GFOD2: variants seen among roughly 807,000 people sequenced by gnomAD.
The protein encoded by GFOD2 is glucose-fructose oxidoreductase domain-containing protein 2.
In GFOD2, 9 loss-of-function variants were observed where a neutral mutation model predicts 24.6. The observed-to-expected ratio is 0.37, with a 90% CI of 0.22 to 0.64. GFOD2 has a LOEUF of 0.64. GFOD2 is among the 30% of genes least tolerant of loss of function. The pLI is 0.65. For missense variants in GFOD2, 476 were observed against 532.5 expected, an observed-to-expected ratio of 0.89 and a Z score of 1.04; for synonymous variants, 211 against 224.8, an observed-to-expected ratio of 0.94 and a Z score of 0.55.
intron 1 of GFOD2, among the ~76,000 whole-genome samples, chr16:67,717,809 T>C (rs1567664136): frequency 3.9e-5 from 6 of 151,932 alleles, no homozygotes. Context: ...GATAGATAGA[T>C]AGATAGAGAA....
At chr16:67,688,008 T>C (rs1302835736) in intron 1 of GFOD2, among the ~76,000 whole-genome samples, 2 of 152,100 alleles carry the variant, frequency 1.3e-5, no homozygotes, top group African/African-American at 4.8e-5. Context: ...TGTATACAGA[T>C]ATTTACTATA....
chr16:67,694,806 C>T (rs1056759420), intron 1 of GFOD2, among the ~76,000 whole-genome samples: 2 of 152,150 alleles, frequency 1.3e-5, no homozygotes, highest in Non-Finnish European at 2.9e-5. Flanking sequence ...CTGCCTCTAA[C>T]TCCAGATCCC....
intron 1 of GFOD2, among the ~76,000 whole-genome samples, chr16:67,716,950 G>A (rs1248744528): frequency 6.6e-6 from 1 of 152,196 alleles, no homozygotes; most frequent in African/African-American, 2.4e-5. Context: ...AGGCTGGAGT[G>A]CAATGGCGCG....
At chr16:67,683,408 G>A (rs2053242601) in intron 2 of GFOD2, 2 of 1,228,812 alleles carry the variant, frequency 1.6e-6, no homozygotes, top group Non-Finnish European at 2.0e-6. Flanking sequence ...AGCCACAAGG[G>A]ATGGCAAGGA....
chr16:67,679,624 C>A (rs2053209317), intron 2 of GFOD2, among the ~76,000 whole-genome samples: 1 of 152,018 alleles, frequency 6.6e-6, no homozygotes, highest in African/African-American at 2.4e-5. Flanking sequence ...CGCAGTGGCT[C>A]AGGCCTGTAA....
chr16:67,683,697 A>C, intron 2 of GFOD2: 1 of 1,230,686 alleles, frequency 8.1e-7, no homozygotes, highest in Non-Finnish European at 1.0e-6. Flanking sequence ...CCACTGAGCC[A>C]GAGGTGACAG....
At chr16:67,699,146 T>C (rs1205042377) in intron 1 of GFOD2, among the ~76,000 whole-genome samples, 2 of 151,854 alleles carry the variant, frequency 1.3e-5, no homozygotes, top group African/African-American at 2.4e-5. Context: ...ATTGAGACCA[T>C]CCTGGCTGAC....
intron 2 of GFOD2, among the ~76,000 whole-genome samples, chr16:67,679,793 A>G (rs555102123): frequency 6.6e-6 from 1 of 151,120 alleles, no homozygotes; most frequent in South Asian, 2.2e-4. Context: ...AGGCTGAGGC[A>G]GGAGAATTGC....
chr16:67,685,425 G>C (rs146767789), intron 2 of GFOD2, 32 bp downstream of exon 2: 4 of 1,613,982 alleles, frequency 2.5e-6, no homozygotes, highest in Non-Finnish European at 3.4e-6. Flanking sequence ...GGAGAGACAT[G>C]ATCTGCCCCT....
intron 2 of GFOD2, 65 bp downstream of exon 2, chr16:67,685,392 G>A: frequency 6.2e-7 from 1 of 1,606,254 alleles, no homozygotes; most frequent in Non-Finnish European, 8.5e-7. Flanking sequence ...GGAGAGGAGT[G>A]ACCCTCAGAG....
intron 1 of GFOD2, among the ~76,000 whole-genome samples, chr16:67,700,533 G>A (rs1424254174): frequency 1.3e-5 from 2 of 151,962 alleles, no homozygotes; most frequent in Non-Finnish European, 2.9e-5. Flanking sequence ...CCAACATGGT[G>A]AAACCCTGCC....
intron 1 of GFOD2, among the ~76,000 whole-genome samples, chr16:67,706,378 T>A (rs2053439486): frequency 6.6e-6 from 1 of 152,238 alleles, no homozygotes. Flanking sequence ...TACAGCCTTG[T>A]AATACTATCT....
In GFOD2 at chr16:67,705,473, GC is replaced by G. The variant is rs2053432609; in HGVS notation, c.-88+13689del. The stretch of plus-strand genomic sequence containing the variant: ...TCCACCCATCTCAGCCCCGCAAAGT[GC>G]TGAGAACACAGGCGTGAGCCACTGT... On this transcript the variant is annotated intron_variant, in intron 1 of 2. Transcript: ENST00000268797. Among the ~76,000 whole-genome samples the G allele has an allele frequency of 2.6e-5, 4 of 152,278 alleles. No homozygotes were observed. The South Asian group carries it at 8.3e-4, about 32-fold the overall frequency.
At chr16:67,687,323 G>C (rs2053274605) in intron 1 of GFOD2, among the ~76,000 whole-genome samples, 1 of 151,770 alleles carries the variant, frequency 6.6e-6, no homozygotes, top group Non-Finnish European at 1.5e-5. Flanking sequence ...CATCAAACTG[G>C]CTAAAAGAAA....
At chr16:67,682,546 G>A (rs538096595) in intron 2 of GFOD2, 523 of 985,324 alleles carry the variant, frequency 5.3e-4, no homozygotes, top group Non-Finnish European at 5.4e-4. Flanking sequence ...AAATTCATGG[G>A]AAAGCTTTAA....
At chr16:67,681,828 G>T (rs1028406167) in intron 2 of GFOD2, 1 of 985,194 alleles carries the variant, frequency 1.0e-6, no homozygotes, top group African/African-American at 1.7e-5. Flanking sequence ...AGCCATGAAA[G>T]ACATGTCTAC....
In GFOD2 at chr16:67,685,541, C is replaced by G. The variant is rs777630554; in HGVS notation, c.175G>C (p.Asp59His). 1 of 1,614,126 alleles carries G rather than the reference C, an allele frequency of 6.2e-7. No individual in the cohort carries two copies. Among genetic ancestry groups the G allele is most frequent in the Non-Finnish European group, 8.5e-7 (1 of 1,179,992 alleles). ...NIAFYTSRTD[D>H]ILLHQDVDLV... Reference sequence around the variant, plus strand: ...TCCACATCTTGATGCAGCAAGATGTCATCAGTCCGGCTGGTGTAGAAGGCG... The same window carrying G: ...TCCACATCTTGATGCAGCAAGATGTGATCAGTCCGGCTGGTGTAGAAGGCG... Residue 59 changes from aspartate (D) to histidine (H), a missense_variant, in exon 2 of 3, where the codon GAC becomes CAC. Physicochemically the swap from Asp to His is moderately conservative, Grantham distance 81. Transcript: ENST00000268797.
At chr16:67,682,849 G>C (rs532328528) in intron 2 of GFOD2, 2 of 984,896 alleles carry the variant, frequency 2.0e-6, no homozygotes, top group East Asian at 2.3e-4. Context: ...AAAATGATTG[G>C]ATCAGTGGCT....
At chr16:67,682,561 G>T in intron 2 of GFOD2, 1 of 985,406 alleles carries the variant, frequency 1.0e-6, no homozygotes. Context: ...CTTTAAGGAT[G>T]AAATCGGAGG....
Sources: gnomAD v4.1 joint callset for allele counts (sites outside exome capture counted in the v4.1 genomes callset) on GRCh38, gnomAD v4.1.1 for gene constraint, MANE v1.5 for transcripts, NCBI Gene and HGNC (gene_info 2026-07-23, HGNC 2026-07-21) for gene names.